The following MYO19 variants were observed in gnomAD, a reference collection of about 807,000 sequenced individuals.
The protein encoded by MYO19 is myosin XIX.
A neutral mutation model predicts 129.2 loss-of-function variants in MYO19; 132 were observed. The ratio of observed to expected loss-of-function variants is 1.02; its 90% CI spans 0.89 to 1.18. MYO19 has a LOEUF of 1.18. Ranked by LOEUF, MYO19 falls within the 50% of genes most tolerant of loss-of-function variation. The pLI, the probability that MYO19 is intolerant of heterozygous loss-of-function variation, is 0.00. For synonymous variants in MYO19, 531 were observed against 477.2 expected, an observed-to-expected ratio of 1.11 and a Z score of -1.47; for missense variants, 1,210 against 1,216.7, an observed-to-expected ratio of 0.99 and a Z score of 0.08.
chr17:36,528,501 ACT>A (rs746289901), intron 3 of MYO19, among the ~76,000 whole-genome samples: 3 of 145,156 alleles, frequency 2.1e-5, no homozygotes, highest in African/African-American at 5.3e-5. Context: ...ACAGAGCAAG[ACT>A]CTGTCTCAAA....
At chr17:36,538,399 G>T (rs1430307615), upstream of MYO19, 4 of 1,614,130 alleles carry the variant, frequency 2.5e-6, no homozygotes, top group Non-Finnish European at 3.4e-6. Flanking sequence ...GAAGCCGAAA[G>T]AATGGAACCC....
At chr17:36,526,919 C>T (rs961371724) in intron 5 of MYO19, among the ~76,000 whole-genome samples, 2 of 152,002 alleles carry the variant, frequency 1.3e-5, no homozygotes, top group African/African-American at 4.8e-5. Flanking sequence ...GTGGCTCACA[C>T]CTGTAATTCC....
Position 36,507,805 on chromosome 17 carries a change from G to T in MYO19, c.1351C>A (p.Gln451Lys). Residue 451 changes from glutamine to lysine, a missense_variant and splice_region_variant, in exon 15 of 26, where the codon CAG becomes AAG. Physicochemically the swap from Gln to Lys is moderately conservative, Grantham distance 53. Transcript: ENST00000614623. Reference protein sequence around the residue: ...HFVAHYLRAQQEEYAVEGLEW... With the variant: ...HFVAHYLRAQKEEYAVEGLEW... ...CTCCTGCTCACCCCATCCCTCACCT[G>T]CTGGGCCCTTAGGTAGTGAGCCACA... 6.2e-7 allele frequency: 1 copy of T among 1,608,666 alleles called. No individual in the cohort carries two copies. Among genetic ancestry groups the T allele is most frequent in the East Asian group, 2.2e-5 (1 of 44,770 alleles).
In MYO19 at chr17:36,496,293, C is replaced by T. The variant is rs553503114; in HGVS notation, c.2871G>A (p.Arg957=). 9.9e-6 allele frequency: 16 copies of T among 1,613,874 alleles called. No homozygotes were observed. Among genetic ancestry groups the T allele is most frequent in the Non-Finnish European group, 1.4e-5 (16 of 1,179,894 alleles). ...GFNQILLERH[R]LIHVTSSAFT... is the part of the protein sequence containing the mutation. ...AGGCAGAAGAGGTCACGTGGATCAG[C>T]CTGTGTCTTTCCAGCAGAATCTGAT... Residue 957 remains arginine, a synonymous_variant, in exon 26 of 26, where the codon AGG becomes AGA. Coordinates refer to ENST00000614623, the MANE Select transcript of MYO19 (RefSeq NM_001163735.2).
At chr17:36,509,415 G>GA in intron 13 of MYO19, 1 of 514,206 alleles carries the variant, frequency 1.9e-6, no homozygotes, top group Non-Finnish European at 3.5e-6. Flanking sequence ...GCTGGGGAGG[G>GA]AATCAGTCGA....
intron 23 of MYO19, chr17:36,499,660 G>GCTTTTTT (rs2071340816): frequency 1.8e-5 from 1 of 54,476 alleles, no homozygotes; most frequent in Admixed American, 1.7e-4. Flanking sequence ...TTTTCTTTTT[G>GCTTTTTT]TTTCTTTTTT....
upstream of MYO19, chr17:36,537,741 A>G: frequency 6.2e-7 from 1 of 1,614,216 alleles, no homozygotes; most frequent in South Asian, 1.1e-5. Context: ...CTTCCTAGGA[A>G]TCGGACGATT....
chr17:36,532,437 T>TA, intron 3 of MYO19, 90 bp downstream of exon 3: 1 of 1,484,878 alleles, frequency 6.7e-7, no homozygotes, highest in Non-Finnish European at 9.2e-7. Flanking sequence ...AAGAGACCTT[T>TA]AAGGGGGCTT....
chr17:36,509,212 A>C, intron 13 of MYO19, 77 bp from the exon 14 acceptor site: 1 of 1,304,350 alleles, frequency 7.7e-7, no homozygotes, highest in Non-Finnish European at 1.1e-6. Context: ...TCCCCCCATC[A>C]GGGTGCTACA....
At chr17:36,529,428 G>C (rs1053284314) in intron 3 of MYO19, among the ~76,000 whole-genome samples, 2 of 152,178 alleles carry the variant, frequency 1.3e-5, no homozygotes, top group Non-Finnish European at 2.9e-5. Context: ...GTTGAAGACA[G>C]GTATCTTGCT....
upstream of MYO19, chr17:36,537,517 T>G: frequency 1.2e-6 from 2 of 1,614,200 alleles, no homozygotes; most frequent in Non-Finnish European, 1.7e-6. Context: ...ACCAGTGCGT[T>G]TACTGCTATT....
chr17:36,528,027 C>A, intron 4 of MYO19, 37 bp downstream of exon 4: 1 of 1,597,744 alleles, frequency 6.3e-7, no homozygotes, highest in Non-Finnish European at 8.6e-7. Flanking sequence ...CTCCAACCTC[C>A]TGGAGATGAT....
At chr17:36,516,619 C>T (rs925270390) in intron 6 of MYO19, among the ~76,000 whole-genome samples, 2 of 152,156 alleles carry the variant, frequency 1.3e-5, no homozygotes, top group African/African-American at 4.8e-5. Context: ...ATCTGCCCAC[C>T]TTGGCCTCCC....
rs755402457 is a variant in MYO19 at position 36,506,951 on chromosome 17, C to G, written c.1644+12G>C. The G allele has an allele frequency of 1.3e-6, 2 of 1,577,338 alleles. No individual in the cohort carries two copies. Among genetic ancestry groups the G allele is most frequent in the East Asian group, 4.6e-5 (2 of 43,626 alleles). On this transcript the variant is annotated intron_variant, in intron 17 of 25. Transcript: ENST00000614623. ...TTCTCGCAGGCCCCACAGGGCATGG[C>G]CCAGCCCGTACCTTGTTCTTCTCCA...
At chr17:36,514,065 G>T (rs1199706671) in intron 9 of MYO19, among the ~76,000 whole-genome samples, 1 of 152,198 alleles carries the variant, frequency 6.6e-6, no homozygotes, top group Non-Finnish European at 1.5e-5. Flanking sequence ...TCCTATCCAT[G>T]CCTTGGGGGA....
intron 3 of MYO19, among the ~76,000 whole-genome samples, chr17:36,530,831 G>C (rs892066771): frequency 6.6e-6 from 1 of 152,158 alleles, no homozygotes; most frequent in African/African-American, 2.4e-5. Context: ...ATGTTGGCCA[G>C]ACTGGTCTTG....
In MYO19 at chr17:36,532,535, G is replaced by A. The variant is rs747026693; in HGVS notation, c.4C>T (p.Leu2Phe). ...TAAGGTTGAGGTTTTACCTGCTGGA[G>A]CATCCTCCTTCAAAGTGGTCAGCCA... is the stretch of plus-strand genomic sequence containing the variant. MLQQVNGHNPGS... is the reference protein window; with the variant it reads MFQQVNGHNPGS... The change falls in exon 3 of 26, where the codon CTC becomes TTC. Residue 2 changes from leucine to phenylalanine, a missense_variant. Leu to Phe is a conservative substitution (Grantham distance 22, BLOSUM62 0). Coordinates refer to ENST00000614623, the MANE Select transcript of MYO19 (RefSeq NM_001163735.2). The A allele has an allele frequency of 2.1e-5, 33 of 1,555,002 alleles. No homozygotes were observed. The highest frequency in any genetic ancestry group is 1.2e-4 in the South Asian group (10 of 84,170).
In MYO19 at chr17:36,496,284, G is replaced by C; in HGVS notation, c.2880C>G (p.His960Gln). The C allele has an allele frequency of 1.2e-6, 2 of 1,614,042 alleles. No homozygotes were observed. The highest frequency in any genetic ancestry group is 1.3e-5 in the African/African-American group (1 of 75,050). ...GCCCAGTGAAGGCAGAAGAGGTCAC[G>C]TGGATCAGCCTGTGTCTTTCCAGCA... Reference protein sequence around the residue: ...QILLERHRLIHVTSSAFTGLG With the variant: ...QILLERHRLIQVTSSAFTGLG Residue 960 changes from histidine to glutamine, a missense_variant, in exon 26 of 26, where the codon CAC (histidine) becomes CAG (glutamine). His to Gln is a conservative substitution (Grantham distance 24). Transcript: ENST00000614623.
chr17:36,532,577 G>A lies in MYO19; in HGVS notation c.-39C>T, dbSNP rs925158842. 1.3e-6 allele frequency: 2 copies of A among 1,552,534 alleles called. No individual in the cohort carries two copies. Among genetic ancestry groups the A allele is most frequent in the Non-Finnish European group, 1.7e-6 (2 of 1,147,488 alleles). ...GGTCAGCCAGGGTTCTGGGTTGCAG[G>A]AGGTACAAGGAGTACTATCCACCTA... On this transcript the variant is annotated 5_prime_UTR_variant, in exon 3 of 26. Transcript: ENST00000614623.
Sources: allele counts gnomAD v4.1 joint callset (sites outside exome capture counted in the v4.1 genomes callset), GRCh38; gene constraint gnomAD v4.1.1; transcripts MANE v1.5; gene names NCBI Gene and HGNC (gene_info 2026-07-23, HGNC 2026-07-21).